Variants in GSDME observed in about 807,000 individuals in gnomAD.
The protein encoded by GSDME is gasdermin-E.
GSDME carries 44 observed loss-of-function variants against 47.5 expected under a neutral mutation model. That is an observed-to-expected ratio of 0.93 (90% confidence interval 0.73 to 1.19). The LOEUF (loss-of-function observed/expected upper bound fraction) is 1.19. Among genes scored for constraint, GSDME ranks in the 50% most tolerant of loss-of-function variants. The pLI is 0.00. For synonymous variants in GSDME, 258 were observed against 252.8 expected (o/e 1.02, Z -0.20); for missense variants, 663 against 604.2 (o/e 1.10, Z -1.02).
chr7:24,723,894 C>G (rs1469523491), intron 3 of GSDME, among the ~76,000 whole-genome samples: 1 of 152,218 alleles, frequency 6.6e-6, no homozygotes, highest in Non-Finnish European at 1.5e-5. Flanking sequence ...GAATCCTTAT[C>G]AGAATATCCA....
intron 7 of GSDME, 121 bp downstream of exon 7, chr7:24,708,004 GAA>G (rs1789185949): frequency 6.2e-6 from 8 of 1,280,478 alleles, no homozygotes; most frequent in Non-Finnish European, 8.8e-6. Context: ...CCAAGAGTCA[GAA>G]AAGAGACAGC....
intron 9 of GSDME, among the ~76,000 whole-genome samples, chr7:24,701,922 A>G (rs1353128043): frequency 6.6e-6 from 1 of 152,252 alleles, no homozygotes; most frequent in Non-Finnish European, 1.5e-5. Flanking sequence ...GAGTAGATGT[A>G]TACCAAATGT....
At chr7:24,775,543 C>T in the GSDME span, among the ~76,000 whole-genome samples, 1 of 152,130 alleles carries the variant, frequency 6.6e-6, no homozygotes, top group South Asian at 2.1e-4. Context: ...GTCCTCCTTC[C>T]CTACCTGCCT....
At chr7:24,777,606 C>G in the GSDME span, among the ~76,000 whole-genome samples, 1 of 152,190 alleles carries the variant, frequency 6.6e-6, no homozygotes, top group Admixed American at 6.5e-5. Flanking sequence ...GCACCCCTCA[C>G]CTAACCCCAG....
At chr7:24,780,368 A>C in the GSDME span, among the ~76,000 whole-genome samples, 2 of 152,238 alleles carry the variant, frequency 1.3e-5, no homozygotes, top group Admixed American at 6.5e-5. This position sits in a 1 kb window ranked among gnomAD's most constrained non-coding sequence, Gnocchi z 4.1. Flanking sequence ...ATGGCGAGAA[A>C]ACTCATGTTT....
At chr7:24,765,583 C>T in the GSDME span, among the ~76,000 whole-genome samples, 1 of 152,208 alleles carries the variant, frequency 6.6e-6, no homozygotes, top group South Asian at 2.1e-4. Flanking sequence ...CTTTTCTGTA[C>T]GTCACTGCCC....
rs1379048585 is a variant in GSDME, at chr7:24,699,204, G to C, written c.1313C>G (p.Pro438Arg). Residue 438 changes from proline to arginine, a missense_variant, in exon 10 of 10, where the codon CCC becomes CGC. Transcript: ENST00000645220. ...CCCAAACCTTTCTGTATCTTTCAGGGGAGTCAAGGTTGGGTCTTCAAGATC... is the reference window on the plus strand; with the variant it reads ...CCCAAACCTTTCTGTATCTTTCAGGCGAGTCAAGGTTGGGTCTTCAAGATC... ...VSDLEDPTLT[P>R]LKDTERFGIV... is the part of the protein sequence containing the mutation. 1 of 1,614,130 alleles carries C rather than the reference G, an allele frequency of 6.2e-7. No homozygotes were observed. The highest frequency in any genetic ancestry group is 1.1e-5 in the South Asian group (1 of 91,080).
At position 24,757,001 on chromosome 7, in the gene GSDME, C is replaced by T. The variant is rs1027834395; in HGVS notation, c.-20+395G>A. Among the ~76,000 whole-genome samples, 10 of 151,296 alleles carry T rather than the reference C, an allele frequency of 6.6e-5. No individual in the cohort carries two copies. The highest frequency in any genetic ancestry group is 2.4e-4 in the African/African-American group (10 of 41,188). On this transcript the variant is annotated intron_variant, in intron 1 of 9. Coordinates refer to ENST00000645220, the MANE Select transcript of GSDME (RefSeq NM_001127453.2). This position sits in a 1 kb window ranked among gnomAD's most constrained non-coding sequence, Gnocchi z 5.9. ...CCTCCGCAGCACCCAGAGAAGAGAC[C>T]GGAACACAAAGGATGAACGAATGGG...
At chr7:24,777,745 A>C in the GSDME span, among the ~76,000 whole-genome samples, 1 of 152,232 alleles carries the variant, frequency 6.6e-6, no homozygotes, top group South Asian at 2.1e-4. Flanking sequence ...AGTTTATGAA[A>C]GCCAGGCACA....
At chr7:24,713,190 A>G (rs1416624235) in intron 5 of GSDME, among the ~76,000 whole-genome samples, 3 of 152,264 alleles carry the variant, frequency 2.0e-5, no homozygotes, top group Middle Eastern at 3.4e-3. Context: ...ATATGATGGA[A>G]AGGCCATTCA....
At chr7:24,780,298 C>T in the GSDME span, among the ~76,000 whole-genome samples, 7 of 152,144 alleles carry the variant, frequency 4.6e-5, no homozygotes, top group Non-Finnish European at 7.4e-5. This position sits in a 1 kb window ranked among gnomAD's most constrained non-coding sequence, Gnocchi z 4.1. Context: ...CAAAGGTCAG[C>T]GTATAAACCA....
In GSDME at chr7:24,698,511, T is replaced by TGAA. The variant is rs1788725892; in HGVS notation, c.*512_*514dup. ...GGGGTGTGTTACTGTTAGATTTTTTTGAAGTTTAATTTTGTTCAGCAGAGG... is the reference window on the plus strand; with the variant it reads ...GGGGTGTGTTACTGTTAGATTTTTTTGAAGAAGTTTAATTTTGTTCAGCAGAGG... On this transcript the variant is annotated 3_prime_UTR_variant, in exon 10 of 10. Coordinates refer to ENST00000645220, the MANE Select transcript of GSDME (RefSeq NM_001127453.2). 1 of 185,414 alleles carries TGAA rather than the reference T, an allele frequency of 5.4e-6. No homozygotes were observed. The highest frequency in any genetic ancestry group is 2.4e-5 in the African/African-American group (1 of 40,838). 11.5% of individuals were successfully genotyped at this position (185,414 alleles called of 1,614,324 possible).
In GSDME at chr7:24,726,799, C is replaced by A. The variant is rs2128056700; in HGVS notation, c.405-7581G>T. On this transcript the variant is annotated intron_variant, in intron 3 of 9. Transcript: ENST00000645220. The surrounding 1 kb of genome is among the most constrained non-coding windows in gnomAD (Gnocchi z 5.6). ...CCAGCCCGGGGGACAGAGCGAGACT[C>A]CGTCTCAAAAAAAAAAAAAAAAAAC... 7.2e-6 allele frequency among the ~76,000 whole-genome samples: 1 copy of A among 138,116 alleles called. No homozygotes were observed. The highest frequency in any genetic ancestry group is 2.0e-4 in the East Asian group (1 of 4,928). 90.6% of individuals were successfully genotyped at this position (138,116 alleles called of 152,430 possible). A position where few individuals can be genotyped will look rare whatever the true frequency, so the allele number is the denominator to read the frequency against.
At chr7:24,746,467 A>G (rs1022733587) in intron 2 of GSDME, among the ~76,000 whole-genome samples, 6 of 114,440 alleles carry the variant, frequency 5.2e-5, no homozygotes, top group African/African-American at 1.8e-4. Flanking sequence ...AAAGCATGTA[A>G]GGTAGAGTCT....
chr7:24,699,853 A>C (rs1189648045), intron 9 of GSDME, among the ~76,000 whole-genome samples: 1 of 152,218 alleles, frequency 6.6e-6, no homozygotes, highest in Non-Finnish European at 1.5e-5. Context: ...TATATGCAGT[A>C]TGCTTAGTTT....
chr7:24,733,036 G>A lies in GSDME; in HGVS notation c.404+11526C>T, dbSNP rs1242166548. Reference sequence around the variant, plus strand: ...ATCCCTTCCTTGTGCTTGAGGAGAGGAGAGGGAAGAGGAAAAAGGACTTTG... The same window carrying A: ...ATCCCTTCCTTGTGCTTGAGGAGAGAAGAGGGAAGAGGAAAAAGGACTTTG... On this transcript the variant is annotated intron_variant, in intron 3 of 9. Transcript: ENST00000645220. This position sits in a 1 kb window ranked among gnomAD's most constrained non-coding sequence, Gnocchi z 4.3. 6.6e-6 allele frequency among the ~76,000 whole-genome samples: 1 copy of A among 151,884 alleles called. No homozygotes were observed. The highest frequency in any genetic ancestry group is 1.5e-5 in the Non-Finnish European group (1 of 68,002).
At chr7:24,708,302 C>A in intron 6 of GSDME, 48 bp from the exon 7 acceptor site, 1 of 1,611,448 alleles carries the variant, frequency 6.2e-7, no homozygotes, top group South Asian at 1.1e-5. Flanking sequence ...ATGCACATCT[C>A]ACGACGTCGG....
chr7:24,739,221 T>G lies in GSDME; in HGVS notation c.404+5341A>C, dbSNP rs557782594. 1.3e-5 allele frequency among the ~76,000 whole-genome samples: 2 copies of G among 152,290 alleles called. No homozygotes were observed. Among genetic ancestry groups the G allele is most frequent in the East Asian group, 3.9e-4 (2 of 5,186 alleles). On this transcript the variant is annotated intron_variant, in intron 3 of 9. Transcript: ENST00000645220. The surrounding 1 kb of genome is among the most constrained non-coding windows in gnomAD (Gnocchi z 5.1). ...AGAATGGGATAAAATATTTTTACACTACCCATGTGACAAGAGATTAATAAC... is the reference window on the plus strand; with the variant it reads ...AGAATGGGATAAAATATTTTTACACGACCCATGTGACAAGAGATTAATAAC...
chr7:24,776,313 C>T, the GSDME span, among the ~76,000 whole-genome samples: 2 of 152,024 alleles, frequency 1.3e-5, no homozygotes, highest in Non-Finnish European at 2.9e-5. Flanking sequence ...TGAGAAGATG[C>T]AGGGACCTGA....
Sources: allele counts gnomAD v4.1 joint callset (sites outside exome capture counted in the v4.1 genomes callset), GRCh38; gene constraint gnomAD v4.1.1; non-coding constraint Gnocchi (gnomAD v3.1); transcripts MANE v1.5; gene names NCBI Gene and HGNC (gene_info 2026-07-23, HGNC 2026-07-21).